The following CTNNA2 variants were observed in gnomAD, a reference collection of about 807,000 sequenced individuals.
CTNNA2 encodes catenin alpha-2.
In CTNNA2, 42 loss-of-function variants were observed where a neutral mutation model predicts 101.0. The observed-to-expected ratio is 0.42, with a 90% CI of 0.32 to 0.54. CTNNA2 has a LOEUF of 0.54. Among genes scored for constraint, CTNNA2 ranks in the 20% least tolerant of loss-of-function variants. CTNNA2 has a pLI of 0.14. For synonymous variants in CTNNA2, 450 were observed against 456.4 expected (o/e 0.99, Z 0.18); for missense variants, 871 against 1,223.1 (o/e 0.71, Z 4.29).
At chr2:80,640,217 C>T (rs898274728) in intron 18 of CTNNA2, among the ~76,000 whole-genome samples, 9 of 152,142 alleles carry the variant, frequency 5.9e-5, no homozygotes, top group African/African-American at 2.2e-4. Flanking sequence ...ATATCTGTGC[C>T]ATAAACAGAA....
intron 7 of CTNNA2, among the ~76,000 whole-genome samples, chr2:80,217,122 G>A (rs563479206): frequency 9.2e-5 from 14 of 152,064 alleles, no homozygotes; most frequent in Non-Finnish European, 1.9e-4. Flanking sequence ...ATGAGCCACC[G>A]AGCCCAGCCT....
chr2:80,312,264 G>C (rs976015987), intron 7 of CTNNA2, among the ~76,000 whole-genome samples: 2 of 152,204 alleles, frequency 1.3e-5, no homozygotes, highest in African/African-American at 4.8e-5. Flanking sequence ...ACTGCTGTGT[G>C]GTTCCCCTAT....
intron 15 of CTNNA2, among the ~76,000 whole-genome samples, chr2:80,594,636 T>C (rs1696791264): frequency 6.6e-6 from 1 of 152,050 alleles, no homozygotes; most frequent in African/African-American, 2.4e-5. Flanking sequence ...TATACTTTAG[T>C]TCTTATGGTT....
rs147926169 is a variant in CTNNA2 at position 79,991,609 on chromosome 2, A to C, written c.1056+81812A>C. Among the ~76,000 whole-genome samples the C allele has an allele frequency of 1.4e-4, 22 of 152,282 alleles. No homozygotes were observed. In the East Asian group the frequency reaches 3.3e-3, roughly 23 times the overall value. On this transcript the variant is annotated intron_variant, in intron 7 of 18. Coordinates refer to ENST00000402739, the MANE Select transcript of CTNNA2 (RefSeq NM_001282597.3). ...GCAAGCAGCATTCAACAAACTATAA[A>C]TGTGTTTGTGTTATTATTGTTTGTA...
chr2:79,661,053 G>T (rs1490158927), intron 2 of CTNNA2, among the ~76,000 whole-genome samples: 1 of 152,058 alleles, frequency 6.6e-6, no homozygotes, highest in East Asian at 1.9e-4. Flanking sequence ...GACTGCTCTA[G>T]CTCCCTGTCT....
At position 79,910,134 on chromosome 2, in the gene CTNNA2, G is replaced by A. The variant is rs550065388; in HGVS notation, c.1056+337G>A. 2.0e-5 allele frequency among the ~76,000 whole-genome samples: 3 copies of A among 152,288 alleles called. No homozygotes were observed. In the South Asian group the frequency reaches 6.2e-4, roughly 32 times the overall value. ...TAGATGATTGATGGAAACAGCTGAGGATATAGTAAGTCCTCTGTTACAAAG... is the reference window on the plus strand; with the variant it reads ...TAGATGATTGATGGAAACAGCTGAGAATATAGTAAGTCCTCTGTTACAAAG... On this transcript the variant is annotated intron_variant, in intron 7 of 18. Coordinates refer to ENST00000402739, the MANE Select transcript of CTNNA2 (RefSeq NM_001282597.3).
At chr2:80,286,609 C>A (rs1441824792) in intron 7 of CTNNA2, among the ~76,000 whole-genome samples, 1 of 152,186 alleles carries the variant, frequency 6.6e-6, no homozygotes, top group Non-Finnish European at 1.5e-5. Context: ...TCTTTCACAT[C>A]GTGGATTGTG....
intron 2 of CTNNA2, among the ~76,000 whole-genome samples, chr2:79,291,104 G>A (rs1036899313): frequency 2.0e-5 from 3 of 152,160 alleles, no homozygotes; most frequent in African/African-American, 7.2e-5. Context: ...CACTCCCTCT[G>A]TCACACACTC....
chr2:80,345,980 G>A (rs180887350), intron 7 of CTNNA2, among the ~76,000 whole-genome samples: 53 of 152,068 alleles, frequency 3.5e-4, no homozygotes, highest in African/African-American at 1.1e-3. Flanking sequence ...AAGGGCATAA[G>A]GAGAAAATAA....
At chr2:79,215,332 C>T (rs1310108138) in intron 2 of CTNNA2, among the ~76,000 whole-genome samples, 2 of 152,056 alleles carry the variant, frequency 1.3e-5, no homozygotes, top group African/African-American at 2.4e-5. Flanking sequence ...GCGGTTCAGG[C>T]GTTTGGAAGT....
upstream of CTNNA2, among the ~76,000 whole-genome samples, chr2:79,511,065 G>T (rs1573206110): frequency 6.6e-6 from 1 of 152,084 alleles, no homozygotes; most frequent in South Asian, 2.1e-4. Context: ...ATTCCCTCAG[G>T]CCTGACCAGA....
At chr2:79,877,889 G>A (rs1017893589) in intron 6 of CTNNA2, among the ~76,000 whole-genome samples, 1 of 152,124 alleles carries the variant, frequency 6.6e-6, no homozygotes, top group Admixed American at 6.6e-5. Flanking sequence ...TGCAAAATGT[G>A]CAGGTTTGTT....
intron 2 of CTNNA2, among the ~76,000 whole-genome samples, chr2:79,219,278 T>C (rs983377483): frequency 1.3e-5 from 2 of 152,150 alleles, no homozygotes; most frequent in African/African-American, 4.8e-5. Flanking sequence ...ATAGAAAGAA[T>C]CAGAATCAGC....
chr2:80,239,322 G>T (rs1015818085), intron 7 of CTNNA2, among the ~76,000 whole-genome samples: 6 of 152,112 alleles, frequency 3.9e-5, no homozygotes, highest in Non-Finnish European at 5.9e-5. Flanking sequence ...GCGAAACTTG[G>T]GTGATTGTCA....
intron 17 of CTNNA2, among the ~76,000 whole-genome samples, chr2:80,611,576 C>T (rs1272331374): frequency 6.6e-6 from 1 of 151,420 alleles, no homozygotes; most frequent in Admixed American, 6.6e-5. Context: ...TTTTTGTTTG[C>T]TAGGTTTCAC....
intron 1 of CTNNA2, among the ~76,000 whole-genome samples, chr2:79,606,515 G>A (rs557212625): frequency 7.9e-5 from 12 of 152,220 alleles, no homozygotes; most frequent in African/African-American, 2.6e-4. Flanking sequence ...TGATCCTCCC[G>A]CCTCAGCCTC....
chr2:80,070,713 G>A lies in CTNNA2; in HGVS notation c.1056+160916G>A, dbSNP rs752145911. ...GCCTCGGCAAACAGAGTGAGACCCT[G>A]TCTCAAAAAAAAAAAAAAGTCTGAA... is the stretch of plus-strand genomic sequence containing the variant. On this transcript the variant is annotated intron_variant, in intron 7 of 18. Transcript: ENST00000402739. Among the ~76,000 whole-genome samples, 407 of 49,362 alleles carry A rather than the reference G, an allele frequency of 8.2e-3. 2 individuals carry two copies. The highest frequency in any genetic ancestry group is 0.013 in the Non-Finnish European group (313 of 24,234). 32.4% of individuals were successfully genotyped at this position (49,362 alleles called of 152,430 possible).
chr2:79,359,970 A>T (rs1177511434), intron 3 of CTNNA2, among the ~76,000 whole-genome samples: 1 of 152,214 alleles, frequency 6.6e-6, no homozygotes, highest in African/African-American at 2.4e-5. Context: ...ATGTGTGCTT[A>T]AGCAGGCTTG....
At chr2:79,313,964 T>C (rs763343237) in intron 3 of CTNNA2, among the ~76,000 whole-genome samples, 3 of 152,150 alleles carry the variant, frequency 2.0e-5, no homozygotes, top group Non-Finnish European at 2.9e-5. Flanking sequence ...CTCTCTCACA[T>C]GGGGACTGAG....
Sources: gnomAD v4.1 joint callset for allele counts (sites outside exome capture counted in the v4.1 genomes callset) on GRCh38, gnomAD v4.1.1 for gene constraint, MANE v1.5 for transcripts, NCBI Gene and HGNC (gene_info 2026-07-23, HGNC 2026-07-21) for gene names.